The following EXOC6B variants were observed in gnomAD, a reference collection of about 807,000 sequenced individuals.
EXOC6B encodes exocyst complex component 6B, also known as SEC15 homolog B.
In EXOC6B, 54 loss-of-function variants were observed where a neutral mutation model predicts 113.5. That is an observed-to-expected ratio of 0.48 (90% CI 0.38 to 0.60). EXOC6B has a LOEUF of 0.60. Ranked by LOEUF, EXOC6B falls within the 20% of genes least tolerant of loss-of-function variation. The pLI, the probability that EXOC6B is intolerant of heterozygous loss-of-function variation, is 0.00. For missense variants in EXOC6B, 797 were observed against 977.5 expected (o/e 0.82, Z 2.46); for synonymous variants, 357 against 339.0 (o/e 1.05, Z -0.58).
intron 6 of EXOC6B, among the ~76,000 whole-genome samples, chr2:72,652,151 G>A (rs1364356356): frequency 6.6e-6 from 1 of 150,382 alleles, no homozygotes; most frequent in East Asian, 1.9e-4. Flanking sequence ...GACATATAAT[G>A]TATTAAATTT....
At chr2:72,721,747 T>G (rs981205980) in intron 5 of EXOC6B, 1 of 152,048 alleles carries the variant, frequency 6.6e-6, no homozygotes, top group African/African-American at 2.4e-5. Context: ...AAAAGGCTAA[T>G]AAAATAGCAA....
chr2:72,396,139 T>C (rs1428513626), intron 18 of EXOC6B, among the ~76,000 whole-genome samples: 1 of 152,136 alleles, frequency 6.6e-6, no homozygotes, highest in African/African-American at 2.4e-5. Flanking sequence ...AATGTAAATA[T>C]TTCACTCAGT....
intron 1 of EXOC6B, among the ~76,000 whole-genome samples, chr2:72,810,793 C>T (rs1303243232): frequency 1.3e-5 from 2 of 152,008 alleles, no homozygotes; most frequent in African/African-American, 4.8e-5. Context: ...AAACAATAGG[C>T]CAGGCATAGT....
chr2:72,215,126 A>G lies in EXOC6B; in HGVS notation c.2197-30939T>C, dbSNP rs140963709. Among the ~76,000 whole-genome samples, 10 of 152,332 alleles carry G rather than the reference A, an allele frequency of 6.6e-5. No homozygotes were observed. The East Asian group carries it at 1.7e-3, about 26-fold the overall frequency. ...TCTCTTGCTGAATGGTGAGAGGGCC[A>G]AATAATCCCATCTTTCCACTTGCCT... On this transcript the variant is annotated intron_variant, in intron 20 of 21. Transcript: ENST00000272427.
chr2:72,335,115 G>A, intron 19 of EXOC6B, 95 bp from the exon 20 acceptor site: 1 of 1,134,704 alleles, frequency 8.8e-7, no homozygotes, highest in Non-Finnish European at 1.3e-6. Context: ...GAAGCTGGGG[G>A]AGAGGAGGAC....
chr2:72,480,190 C>G (rs1222246799), intron 17 of EXOC6B, among the ~76,000 whole-genome samples: 1 of 142,874 alleles, frequency 7.0e-6, no homozygotes, highest in Non-Finnish European at 1.5e-5. Flanking sequence ...GGCAATAGAG[C>G]AAGATTTGAT....
intron 6 of EXOC6B, among the ~76,000 whole-genome samples, chr2:72,684,022 C>G (rs1676906931): frequency 1.3e-5 from 2 of 152,288 alleles, no homozygotes; most frequent in South Asian, 4.2e-4. Context: ...ACCTCCGCTT[C>G]CCGGGTTCAA....
intron 1 of EXOC6B, among the ~76,000 whole-genome samples, chr2:72,789,420 G>A (rs764939611): frequency 3.9e-5 from 6 of 152,180 alleles, no homozygotes; most frequent in South Asian, 2.1e-4. Flanking sequence ...GGCATGTTTG[G>A]TGGTTTGTTG....
intron 18 of EXOC6B, among the ~76,000 whole-genome samples, chr2:72,424,689 G>A (rs895071435): frequency 1.3e-5 from 2 of 151,936 alleles, no homozygotes; most frequent in Admixed American, 1.3e-4. Flanking sequence ...GACGCTAATT[G>A]TAGCTCTATT....
chr2:72,530,227 G>C (rs556916468), intron 8 of EXOC6B, among the ~76,000 whole-genome samples: 1 of 151,964 alleles, frequency 6.6e-6, no homozygotes, highest in Non-Finnish European at 1.5e-5. Context: ...TACATTATTC[G>C]TTTAAGACTT....
intron 6 of EXOC6B, among the ~76,000 whole-genome samples, chr2:72,715,438 A>T (rs1274553830): frequency 1.3e-5 from 2 of 148,202 alleles, no homozygotes; most frequent in Non-Finnish European, 3.0e-5. Context: ...TATATATATA[A>T]TATATAAAAA....
chr2:72,186,413 G>T (rs942617033), intron 20 of EXOC6B, among the ~76,000 whole-genome samples: 1 of 152,130 alleles, frequency 6.6e-6, no homozygotes, highest in Non-Finnish European at 1.5e-5. Context: ...GGTACTGAGA[G>T]TACCCCTTGT....
chr2:72,571,679 A>G (rs1376466104), intron 7 of EXOC6B, among the ~76,000 whole-genome samples: 1 of 152,202 alleles, frequency 6.6e-6, no homozygotes, highest in Non-Finnish European at 1.5e-5. Flanking sequence ...CAGATGGTTC[A>G]ACATGTAAGT....
intron 19 of EXOC6B, among the ~76,000 whole-genome samples, chr2:72,367,795 A>C (rs998045771): frequency 6.6e-6 from 1 of 152,156 alleles, no homozygotes; most frequent in Admixed American, 6.6e-5. Flanking sequence ...ATAGTGGAGA[A>C]AAAATTGTGC....
At chr2:72,256,072 C>T (rs573133725) in intron 20 of EXOC6B, among the ~76,000 whole-genome samples, 7 of 152,054 alleles carry the variant, frequency 4.6e-5, no homozygotes, top group Non-Finnish European at 1.0e-4. Flanking sequence ...GACAAAAGTC[C>T]TTAAAAGAGA....
At chr2:72,189,673 G>A (rs953446660) in intron 20 of EXOC6B, among the ~76,000 whole-genome samples, 2 of 151,892 alleles carry the variant, frequency 1.3e-5, no homozygotes, top group African/African-American at 4.8e-5. Context: ...TCTCTTCCCT[G>A]CTATTAATCT....
chr2:72,740,021 A>T (rs922332506), intron 2 of EXOC6B, among the ~76,000 whole-genome samples: 1 of 152,186 alleles, frequency 6.6e-6, no homozygotes, highest in Non-Finnish European at 1.5e-5. Context: ...ATAATCAAAC[A>T]TGCTAATATT....
chr2:72,662,725 C>A lies in EXOC6B; in HGVS notation c.669+55378G>T, dbSNP rs941292722. On this transcript the variant is annotated intron_variant, in intron 6 of 21. Coordinates refer to ENST00000272427, the MANE Select transcript of EXOC6B (RefSeq NM_015189.3). The stretch of plus-strand genomic sequence containing the variant: ...TTGGTGGAAATGCAAAATGGCCCAG[C>A]CATTCTGAAAAACCGTTTAGCCTTT... 3.9e-5 allele frequency among the ~76,000 whole-genome samples: 6 copies of A among 152,038 alleles called. 1 individual carries two copies. Among genetic ancestry groups the A allele is most frequent in the Middle Eastern group, 3.4e-3 (1 of 294 alleles).
At chr2:72,814,578 G>C (rs944848238) in intron 1 of EXOC6B, among the ~76,000 whole-genome samples, 3 of 152,214 alleles carry the variant, frequency 2.0e-5, no homozygotes, top group Non-Finnish European at 4.4e-5. Flanking sequence ...ATGTTTCACT[G>C]CGTAATGTAT....
Sources: gnomAD v4.1 joint callset for allele counts (sites outside exome capture counted in the v4.1 genomes callset) on GRCh38, gnomAD v4.1.1 for gene constraint, MANE v1.5 for transcripts, NCBI Gene and HGNC (gene_info 2026-07-23, HGNC 2026-07-21) for gene names.